The following NSD3 variants were observed in gnomAD, a reference collection of about 807,000 sequenced individuals.
NSD3 encodes histone-lysine N-methyltransferase NSD3.
In NSD3, 24 loss-of-function variants were observed where a neutral mutation model predicts 160.8. The ratio of observed to expected loss-of-function variants is 0.15; its 90% CI spans 0.11 to 0.21. The LOEUF is 0.21. Among genes scored for constraint, NSD3 ranks in the 10% least tolerant of loss-of-function variants. The pLI, the probability that NSD3 is intolerant of heterozygous loss-of-function variation, is 1.00. For missense variants in NSD3, 1,157 were observed against 1,735.9 expected (o/e 0.67, Z 5.93); for synonymous variants, 520 against 600.0 (o/e 0.87, Z 1.95).
intron 11 of NSD3, 67 bp from the exon 12 acceptor site, chr8:38,314,840 T>C (rs1439319661): frequency 8.4e-6 from 13 of 1,538,846 alleles, no homozygotes; most frequent in Middle Eastern, 1.7e-4. Flanking sequence ...GGGCGGCTTG[T>C]TAAACACAAA....
chr8:38,313,572 A>G (rs1809584565), intron 12 of NSD3, among the ~76,000 whole-genome samples: 1 of 152,124 alleles, frequency 6.6e-6, no homozygotes, highest in Non-Finnish European at 1.5e-5. Context: ...GCTGATCACG[A>G]GGTCAGGAAA....
At position 38,305,349 on chromosome 8, in the gene NSD3, C is replaced by T. The variant is rs779630054; in HGVS notation, c.2339G>A (p.Arg780His). Residue 780 changes from arginine (R) to histidine (H), a missense_variant, in exon 13 of 24, where the codon CGC becomes CAC. Around this residue, in one of 10 missense-constraint regions of NSD3, gnomAD observed 437 missense variants for 576.6 expected, o/e 0.76. Transcript: ENST00000317025. ...CGKFYHEACVRKFPTAIFESK... is the reference protein window; with the variant it reads ...CGKFYHEACVHKFPTAIFESK... ...TTCAAAGATGGCAGTGGGGAATTTG[C>T]GGACACAGGCTTCATGATAAAATTT... 4.7e-5 allele frequency: 76 copies of T among 1,614,014 alleles called. No individual in the cohort carries two copies. The Admixed American group carries it at 6.8e-4, about 15-fold the overall frequency.
At chr8:38,311,753 A>G (rs1809540652) in intron 12 of NSD3, among the ~76,000 whole-genome samples, 2 of 152,178 alleles carry the variant, frequency 1.3e-5, no homozygotes, top group African/African-American at 4.8e-5. Flanking sequence ...CATTATGTTG[A>G]TAAGACCCTT....
chr8:38,374,124 AAAATT>A (rs1811329111), intron 1 of NSD3, among the ~76,000 whole-genome samples: 1 of 151,306 alleles, frequency 6.6e-6, no homozygotes, highest in African/African-American at 2.4e-5. Context: ...CAAAAAAAAA[AAAATT>A]AGTTGGGCAG....
intron 15 of NSD3, 56 bp downstream of exon 15, chr8:38,299,388 G>A: frequency 6.4e-7 from 1 of 1,556,550 alleles, no homozygotes; most frequent in Non-Finnish European, 8.7e-7. Context: ...TATATTGAAA[G>A]AGAAAAAAAT....
intron 7 of NSD3, among the ~76,000 whole-genome samples, chr8:38,325,348 A>G (rs1327736063): frequency 6.6e-6 from 1 of 152,232 alleles, no homozygotes; most frequent in Non-Finnish European, 1.5e-5. Flanking sequence ...TTTTTCTACT[A>G]TAGTCGCTTC....
chr8:38,351,353 T>A (rs1298351789), intron 1 of NSD3, among the ~76,000 whole-genome samples: 1 of 151,654 alleles, frequency 6.6e-6, no homozygotes, highest in Non-Finnish European at 1.5e-5. Context: ...TGATTGTAGC[T>A]TCCTAGAATA....
At chr8:38,368,339 A>G (rs1811157483) in intron 1 of NSD3, among the ~76,000 whole-genome samples, 1 of 152,238 alleles carries the variant, frequency 6.6e-6, no homozygotes, top group Non-Finnish European at 1.5e-5. Context: ...ATTTTCTGAA[A>G]TGTGTTCACT....
In NSD3 at chr8:38,316,498, G is replaced by T; in HGVS notation, c.1856-456C>A. 1 of 1,044,808 alleles carries T rather than the reference G, an allele frequency of 9.6e-7. No homozygotes were observed. Among genetic ancestry groups the T allele is most frequent in the Non-Finnish European group, 1.2e-6 (1 of 866,194 alleles). 64.7% of individuals were successfully genotyped at this position (1,044,808 alleles called of 1,614,324 possible). A position where few individuals can be genotyped will look rare whatever the true frequency, so the allele number is the denominator to read the frequency against. ...CAAATCTTTGATTTGTATTCGATTCGTACACGGATAGTGCCATTTTCCCCC... is the reference window on the plus strand; with the variant it reads ...CAAATCTTTGATTTGTATTCGATTCTTACACGGATAGTGCCATTTTCCCCC... On this transcript the variant is annotated intron_variant, in intron 9 of 23. Transcript: ENST00000317025. The surrounding 1 kb of genome is among the most constrained non-coding windows in gnomAD (Gnocchi z 4.5).
intron 16 of NSD3, among the ~76,000 whole-genome samples, 169 bp downstream of exon 16, chr8:38,295,627 C>G (rs1809116624): frequency 6.6e-6 from 1 of 151,990 alleles, no homozygotes; most frequent in African/African-American, 2.4e-5. Context: ...ACATAACCTT[C>G]CCAACCCCTT....
chr8:38,355,622 T>C (rs888052872), intron 1 of NSD3, among the ~76,000 whole-genome samples: 121 of 152,166 alleles, frequency 8.0e-4, no homozygotes, highest in South Asian at 8.3e-4. Context: ...GAGAAACAAG[T>C]AGGATGTGGA....
intron 16 of NSD3, among the ~76,000 whole-genome samples, chr8:38,295,068 C>T (rs953550371): frequency 2.7e-5 from 4 of 146,328 alleles, no homozygotes; most frequent in East Asian, 2.0e-4. Context: ...GGCATGAACC[C>T]GGGAGCCGGA....
intron 4 of NSD3, among the ~76,000 whole-genome samples, chr8:38,335,113 C>G (rs1412251027): frequency 1.3e-5 from 2 of 151,748 alleles, no homozygotes; most frequent in African/African-American, 4.8e-5. Flanking sequence ...TCTCAGTCAC[C>G]TGAGTGAGAC....
At chr8:38,309,061 C>A (rs545206318) in intron 12 of NSD3, among the ~76,000 whole-genome samples, 1 of 151,810 alleles carries the variant, frequency 6.6e-6, no homozygotes, top group South Asian at 2.1e-4. Flanking sequence ...GTAATCCCAG[C>A]ACTTTGGGAG....
At chr8:38,372,599 C>T (rs942128936) in intron 1 of NSD3, among the ~76,000 whole-genome samples, 1 of 150,488 alleles carries the variant, frequency 6.6e-6, no homozygotes, top group Non-Finnish European at 1.5e-5. Flanking sequence ...CGGGTTCAAG[C>T]GATTCTCCTG....
Position 38,331,422 on chromosome 8 carries a change from GT to G in NSD3, c.1065+8del. ...CATACTAGGTAAATAATATTAACAT[GT>G]TAGTTACCTTTTGTTTCTCAGAGTG... On this transcript the variant is annotated splice_region_variant and intron_variant, in intron 5 of 23. Transcript: ENST00000317025. 1.3e-6 allele frequency: 2 copies of G among 1,588,814 alleles called. No homozygotes were observed. The highest frequency in any genetic ancestry group is 1.7e-6 in the Non-Finnish European group (2 of 1,169,100).
At chr8:38,373,034 C>T (rs1167792154) in intron 1 of NSD3, among the ~76,000 whole-genome samples, 1 of 139,702 alleles carries the variant, frequency 7.2e-6, no homozygotes, top group Admixed American at 7.4e-5. Context: ...CTGGGCAACA[C>T]AGCGAGACTC....
At chr8:38,351,546 C>T (rs1177144305) in intron 1 of NSD3, among the ~76,000 whole-genome samples, 2 of 151,522 alleles carry the variant, frequency 1.3e-5, no homozygotes, top group Non-Finnish European at 2.9e-5. Flanking sequence ...GCCTGTAATC[C>T]CAGCTACTTG....
Position 38,272,736 on chromosome 8 carries a change from C to G in NSD3, c.*2905G>C, listed in dbSNP as rs1808512973. ...GTTGGACAAGAATAAAAACCAGCCA[C>G]TTACACTCTGACCACATATAGATTT... On this transcript the variant is annotated 3_prime_UTR_variant, in exon 24 of 24. Coordinates refer to ENST00000317025, the MANE Select transcript of NSD3 (RefSeq NM_023034.2). The G allele has an allele frequency of 6.6e-6, 1 of 152,218 alleles. No homozygotes were observed. Among genetic ancestry groups the G allele is most frequent in the South Asian group, 2.1e-4 (1 of 4,832 alleles). The allele number at this position is 152,218 out of a possible 1,614,324, so 9.4% of individuals were successfully genotyped here. A position where few individuals can be genotyped will look rare whatever the true frequency, so the allele number is the denominator to read the frequency against.
Sources: gnomAD v4.1 joint callset for allele counts (sites outside exome capture counted in the v4.1 genomes callset) on GRCh38, gnomAD v4.1.1 for gene constraint, gnomAD v4.1.1 regional missense constraint, Gnocchi (gnomAD v3.1) non-coding constraint, MANE v1.5 for transcripts, NCBI Gene and HGNC (gene_info 2026-07-23, HGNC 2026-07-21) for gene names.